The following SYNPO2 variants were observed in gnomAD, a reference collection of about 807,000 sequenced individuals.
The protein encoded by SYNPO2 is synaptopodin-2.
In SYNPO2, 56 loss-of-function variants were observed where a neutral mutation model predicts 85.0. The ratio of observed to expected loss-of-function variants is 0.66; its 90% CI spans 0.53 to 0.82. The LOEUF (loss-of-function observed/expected upper bound fraction) is 0.82, where lower values mean the gene tolerates loss of function less well. Ranked by LOEUF, SYNPO2 falls within the 40% of genes least tolerant of loss-of-function variation. SYNPO2 has a pLI of 0.00. For missense variants in SYNPO2, 1,575 were observed against 1,534.2 expected (o/e 1.03, Z -0.44); for synonymous variants, 602 against 591.1 (o/e 1.02, Z -0.27).
chr4:118,891,410 A>G (rs1732376826), intron 1 of SYNPO2, among the ~76,000 whole-genome samples: 1 of 152,208 alleles, frequency 6.6e-6, no homozygotes, highest in South Asian at 2.1e-4. Context: ...AAAAGACTAA[A>G]GAGCTATCTA....
chr4:118,852,019 A>C (rs1382236712), intron 1 of SYNPO2, among the ~76,000 whole-genome samples: 1 of 152,226 alleles, frequency 6.6e-6, no homozygotes, highest in Admixed American at 6.5e-5. Context: ...TCTAACTGTT[A>C]TATTAAAATT....
At chr4:118,902,567 A>G (rs1023350879) in intron 1 of SYNPO2, among the ~76,000 whole-genome samples, 4 of 152,214 alleles carry the variant, frequency 2.6e-5, no homozygotes, top group African/African-American at 9.6e-5. Flanking sequence ...GGTCCCTCCC[A>G]TAACATGTGG....
intron 1 of SYNPO2, among the ~76,000 whole-genome samples, chr4:118,880,746 C>CAAAAA (rs11348298): frequency 0.014 from 1,865 of 131,748 alleles, 25 homozygotes; most frequent in Non-Finnish European, 0.021. Flanking sequence ...GACTCTGTCC[C>CAAAAA]AAAAAAAAAA....
chr4:119,038,031 G>A (rs1001484119), intron 4 of SYNPO2: 2 of 592,788 alleles, frequency 3.4e-6, no homozygotes, highest in African/African-American at 4.0e-5. Flanking sequence ...GCTCAGAGAA[G>A]CTAAACAACT....
At chr4:118,953,587 C>T (rs750117420) in intron 1 of SYNPO2, among the ~76,000 whole-genome samples, 1 of 143,756 alleles carries the variant, frequency 7.0e-6, no homozygotes, top group Non-Finnish European at 1.5e-5. Context: ...CTCAATCTTC[C>T]TTGAACTGTA....
At chr4:119,011,660 G>A (rs1353159503) in intron 1 of SYNPO2, among the ~76,000 whole-genome samples, 7 of 152,290 alleles carry the variant, frequency 4.6e-5, no homozygotes, top group African/African-American at 1.4e-4. Flanking sequence ...CAGGTATTAA[G>A]AAAAGTTGAT....
At chr4:118,922,396 T>C (rs924696911) in intron 1 of SYNPO2, among the ~76,000 whole-genome samples, 2 of 152,146 alleles carry the variant, frequency 1.3e-5, no homozygotes, top group Non-Finnish European at 2.9e-5. Context: ...ATATAAGCCA[T>C]ACAGGTAGAT....
intron 1 of SYNPO2, among the ~76,000 whole-genome samples, chr4:118,987,076 G>GA (rs1736246834): frequency 6.6e-6 from 1 of 152,106 alleles, no homozygotes; most frequent in Non-Finnish European, 1.5e-5. Context: ...TGTTCTTGGT[G>GA]AAACTGCAAA....
At chr4:118,851,504 C>G (rs917738912) in intron 1 of SYNPO2, among the ~76,000 whole-genome samples, 25 of 151,956 alleles carry the variant, frequency 1.6e-4, no homozygotes, top group African/African-American at 6.0e-4. Flanking sequence ...AAACAAAAAA[C>G]AAAAACGAAG....
At chr4:118,855,576 A>C (rs1436816237) in intron 1 of SYNPO2, among the ~76,000 whole-genome samples, 1 of 152,184 alleles carries the variant, frequency 6.6e-6, no homozygotes, top group Non-Finnish European at 1.5e-5. Flanking sequence ...AGGTGTCAAT[A>C]ATTTCAAATA....
At chr4:118,913,121 C>T (rs1733196487) in intron 1 of SYNPO2, among the ~76,000 whole-genome samples, 1 of 152,142 alleles carries the variant, frequency 6.6e-6, no homozygotes, top group African/African-American at 2.4e-5. Flanking sequence ...GTGAAAAAGA[C>T]ATTATCCTTG....
chr4:118,980,427 G>A (rs1387814631), intron 1 of SYNPO2, among the ~76,000 whole-genome samples: 1 of 152,090 alleles, frequency 6.6e-6, no homozygotes, highest in East Asian at 1.9e-4. Context: ...GCTTGGCAAG[G>A]TCTACCTAGA....
intron 1 of SYNPO2, among the ~76,000 whole-genome samples, chr4:118,933,052 G>A (rs1049456879): frequency 6.6e-6 from 1 of 152,166 alleles, no homozygotes; most frequent in East Asian, 1.9e-4. Flanking sequence ...GTTCAAGGAG[G>A]AAAGACAAGT....
chr4:118,891,208 A>C (rs77997040), intron 1 of SYNPO2, among the ~76,000 whole-genome samples: 1 of 152,190 alleles, frequency 6.6e-6, no homozygotes, highest in Non-Finnish European at 1.5e-5. Context: ...TGTGGTTTTC[A>C]AAAGATCATT....
At chr4:119,009,990 A>G (rs934739230) in intron 1 of SYNPO2, among the ~76,000 whole-genome samples, 2 of 152,166 alleles carry the variant, frequency 1.3e-5, no homozygotes, top group African/African-American at 4.8e-5. Flanking sequence ...AGTAGCAAGG[A>G]TGGGTTTTTC....
At chr4:118,937,278 C>A (rs973938556) in intron 1 of SYNPO2, among the ~76,000 whole-genome samples, 1 of 152,164 alleles carries the variant, frequency 6.6e-6, no homozygotes, top group Non-Finnish European at 1.5e-5. Context: ...CATTTCCTTT[C>A]ATTTCCATTA....
rs550045868 is a variant in SYNPO2, at chr4:119,035,483, G to A, written c.3252+3456G>A. Reference sequence around the variant, plus strand: ...ACAGTTTCTGCATTGGTAGTGTAAAGCATACCTTGTTAGGAACGTGTTTTG... The same window carrying A: ...ACAGTTTCTGCATTGGTAGTGTAAAACATACCTTGTTAGGAACGTGTTTTG... On this transcript the variant is annotated intron_variant, in intron 4 of 4. Coordinates refer to ENST00000307142, the MANE Select transcript of SYNPO2 (RefSeq NM_133477.3). 5.9e-4 allele frequency: 581 copies of A among 985,396 alleles called. 8 individuals carry two copies. The South Asian group carries it at 0.024, about 41-fold the overall frequency. The allele number at this position is 985,396 out of a possible 1,614,324, so 61.0% of individuals were successfully genotyped here.
chr4:118,930,917 C>CA lies in SYNPO2; in HGVS notation c.105+41796dup, dbSNP rs55944813. ...TGGGCATCACAACACTACCTTGCCT[C>CA]AAAAAAAAAAAAAAAAAAAATGGTA... is the stretch of plus-strand genomic sequence containing the variant. On this transcript the variant is annotated intron_variant, in intron 1 of 4. Coordinates refer to ENST00000307142, the MANE Select transcript of SYNPO2 (RefSeq NM_133477.3). 3.4e-3 allele frequency among the ~76,000 whole-genome samples: 421 copies of CA among 124,756 alleles called. 4 individuals carry two copies. The highest frequency in any genetic ancestry group is 8.1e-3 in the African/African-American group (259 of 31,940). 81.8% of individuals were successfully genotyped at this position (124,756 alleles called of 152,430 possible).
At chr4:118,922,373 A>G (rs1463548459) in intron 1 of SYNPO2, among the ~76,000 whole-genome samples, 1 of 152,148 alleles carries the variant, frequency 6.6e-6, no homozygotes, top group African/African-American at 2.4e-5. Flanking sequence ...ATATAAGAAT[A>G]TATATTATAA....
Sources: gnomAD v4.1 joint callset for allele counts (sites outside exome capture counted in the v4.1 genomes callset) on GRCh38, gnomAD v4.1.1 for gene constraint, MANE v1.5 for transcripts, NCBI Gene and HGNC (gene_info 2026-07-23, HGNC 2026-07-21) for gene names.